Variants in TMPRSS6 observed in about 807,000 individuals in gnomAD.
TMPRSS6 encodes transmembrane serine protease 6.
A neutral mutation model predicts 101.5 loss-of-function variants in TMPRSS6; 67 were observed. The observed-to-expected ratio is 0.66, with a 90% CI of 0.54 to 0.81. The LOEUF (loss-of-function observed/expected upper bound fraction) is 0.81, where lower values mean the gene tolerates loss of function less well. TMPRSS6 is among the 30% of genes least tolerant of loss of function. TMPRSS6 has a pLI of 0.00. For synonymous variants in TMPRSS6, 453 were observed against 464.9 expected (o/e 0.97, Z 0.33); for missense variants, 1,034 against 1,088.7 (o/e 0.95, Z 0.71).
intron 6 of TMPRSS6, among the ~76,000 whole-genome samples, chr22:37,092,795 C>T (rs1019152184): frequency 4.6e-5 from 7 of 152,220 alleles, no homozygotes; most frequent in African/African-American, 1.4e-4. Context: ...CACGCCCGGC[C>T]CATGCCCAAA....
chr22:37,087,441 A>G (rs5756507), intron 7 of TMPRSS6, among the ~76,000 whole-genome samples: 65,003 of 152,054 alleles, frequency 0.43, 14,064 homozygotes, highest in East Asian at 0.48. Flanking sequence ...CATGGCACCC[A>G]AGCAGCCTGC....
At chr22:37,106,592 C>G (rs544470192) in intron 1 of TMPRSS6, among the ~76,000 whole-genome samples, 76 of 152,274 alleles carry the variant, frequency 5.0e-4, no homozygotes, top group African/African-American at 1.8e-3. Context: ...CCACCCAAAC[C>G]CCTGGGGCGG....
At position 37,096,017 on chromosome 22, in the gene TMPRSS6, C is replaced by T. The variant is rs773320285; in HGVS notation, c.478G>A (p.Glu160Lys). 2.9e-5 allele frequency: 47 copies of T among 1,614,240 alleles called. No individual in the cohort carries two copies. The highest frequency in any genetic ancestry group is 3.9e-5 in the Non-Finnish European group (46 of 1,180,048). Residue 160 changes from glutamate to lysine, a missense_variant, in exon 5 of 18, where the codon GAG becomes AAG. Transcript: ENST00000676104. Reference protein sequence around the residue: ...PEHRRLMLSPEVVQALLVEEL... With the variant: ...PEHRRLMLSPKVVQALLVEEL... ...TCCACCAGCAGTGCCTGCACCACCTCGGGGCTCAGCATCAGCCGGCGGTGC... is the reference window on the plus strand; with the variant it reads ...TCCACCAGCAGTGCCTGCACCACCTTGGGGCTCAGCATCAGCCGGCGGTGC...
chr22:37,066,737 C>G, intron 17 of TMPRSS6, 89 bp downstream of exon 17: 25 of 1,571,962 alleles, frequency 1.6e-5, no homozygotes, highest in Non-Finnish European at 2.2e-5. Flanking sequence ...GAGGCTTCAG[C>G]AGGCTGATGT....
chr22:37,067,054 G>T (rs1339374402), intron 16 of TMPRSS6, 92 bp from the exon 17 acceptor site: 3 of 1,580,480 alleles, frequency 1.9e-6, no homozygotes, highest in African/African-American at 2.7e-5. Flanking sequence ...CATCTCAGGA[G>T]CCTACTTCTC....
chr22:37,102,656 G>A (rs1930425271), intron 2 of TMPRSS6, among the ~76,000 whole-genome samples: 1 of 152,168 alleles, frequency 6.6e-6, no homozygotes, highest in Admixed American at 6.5e-5. Context: ...ATGGCAGAGG[G>A]CCCCAAGGCT....
chr22:37,100,108 C>G (rs1178820684), intron 2 of TMPRSS6, among the ~76,000 whole-genome samples: 1 of 152,192 alleles, frequency 6.6e-6, no homozygotes, highest in Admixed American at 6.5e-5. Context: ...GCTGGGATTA[C>G]AGGCATGCAC....
In TMPRSS6 at chr22:37,103,570, G is replaced by C. The variant is rs927851775; in HGVS notation, c.-1-152C>G. 9 of 1,613,650 alleles carry C rather than the reference G, an allele frequency of 5.6e-6. No individual in the cohort carries two copies. The Middle Eastern group carries it at 1.2e-3, about 207-fold the overall frequency. Reference sequence around the variant, plus strand: ...GGCAGTGACTGCAAGTGGGTGCCGAGACAGCTCACAGAGGAGGGAAGTGCA... The same window carrying C: ...GGCAGTGACTGCAAGTGGGTGCCGACACAGCTCACAGAGGAGGGAAGTGCA... On this transcript the variant is annotated intron_variant, in intron 1 of 17. Coordinates refer to ENST00000676104, the MANE Select transcript of TMPRSS6 (RefSeq NM_001374504.1). This position sits in a 1 kb window ranked among gnomAD's most constrained non-coding sequence, Gnocchi z 4.4.
chr22:37,101,823 C>T lies in TMPRSS6; in HGVS notation c.202+1393G>A, dbSNP rs1314711969. On this transcript the variant is annotated intron_variant, in intron 2 of 17. Coordinates refer to ENST00000676104, the MANE Select transcript of TMPRSS6 (RefSeq NM_001374504.1). This position sits in a 1 kb window ranked among gnomAD's most constrained non-coding sequence, Gnocchi z 4.1. ...GTTCCTGGCCCTCCAGCCCAGTGCC[C>T]CGTGGTTTACCCTGTAGACTAATTA... is the stretch of plus-strand genomic sequence containing the variant. Among the ~76,000 whole-genome samples, 1 of 152,186 alleles carries T rather than the reference C, an allele frequency of 6.6e-6. No homozygotes were observed. Among genetic ancestry groups the T allele is most frequent in the Non-Finnish European group, 1.5e-5 (1 of 68,018 alleles).
At position 37,093,415 on chromosome 22, in the gene TMPRSS6, G is replaced by A. The variant is rs533777497; in HGVS notation, c.631+2136C>T. Among the ~76,000 whole-genome samples, 3 of 62,706 alleles carry A rather than the reference G, an allele frequency of 4.8e-5. No homozygotes were observed. The South Asian group carries it at 1.6e-3, about 33-fold the overall frequency. 41.1% of individuals were successfully genotyped at this position (62,706 alleles called of 152,430 possible). A position where few individuals can be genotyped will look rare whatever the true frequency, so the allele number is the denominator to read the frequency against. On this transcript the variant is annotated intron_variant, in intron 6 of 17. Coordinates refer to ENST00000676104, the MANE Select transcript of TMPRSS6 (RefSeq NM_001374504.1). ...TTTTTTTTTTTTTTTTTTTTTTTGAGATGGAGTCTCACTCTGTCGCCCAGG... is the reference window on the plus strand; with the variant it reads ...TTTTTTTTTTTTTTTTTTTTTTTGAAATGGAGTCTCACTCTGTCGCCCAGG...
chr22:37,084,634 A>T (rs1928547842), intron 9 of TMPRSS6, 93 bp downstream of exon 9: 2 of 1,144,202 alleles, frequency 1.7e-6, no homozygotes, highest in African/African-American at 3.1e-5. Flanking sequence ...GCTTCAGCAG[A>T]GGCGGGACAC....
rs1411910597 is a variant in TMPRSS6 at position 37,103,586 on chromosome 22, G to A, written c.-1-168C>T. ...GGGTGCCGAGACAGCTCACAGAGGA[G>A]GGAAGTGCATCTCAGGTCAGCTCGC... On this transcript the variant is annotated intron_variant, in intron 1 of 17. Coordinates refer to ENST00000676104, the MANE Select transcript of TMPRSS6 (RefSeq NM_001374504.1). This position sits in a 1 kb window ranked among gnomAD's most constrained non-coding sequence, Gnocchi z 4.4. 6 of 1,612,780 alleles carry A rather than the reference G, an allele frequency of 3.7e-6. No homozygotes were observed. The African/African-American group carries it at 6.7e-5, about 18-fold the overall frequency.
rs528179570 is a variant in TMPRSS6, at chr22:37,084,820, C to A, written c.993G>T (p.Thr331=). Residue 331 remains threonine, a synonymous_variant, in exon 9 of 18, where the codon ACG becomes ACT. Coordinates refer to ENST00000676104, the MANE Select transcript of TMPRSS6 (RefSeq NM_001374504.1). ...CCTGGGAGTCGAGCCTGTTGTCCAG[C>A]GTCAGGTTCACTTCACAGGCTGGAC... is the stretch of plus-strand genomic sequence containing the variant. ...VVFQACEVNL[T]LDNRLDSQGV... is the part of the protein sequence containing the mutation. 6 of 1,555,944 alleles carry A rather than the reference C, an allele frequency of 3.9e-6. No individual in the cohort carries two copies. The East Asian group carries it at 1.2e-4, about 31-fold the overall frequency.
intron 2 of TMPRSS6, among the ~76,000 whole-genome samples, chr22:37,102,937 G>A (rs1930447573): frequency 6.6e-6 from 1 of 152,078 alleles, no homozygotes; most frequent in South Asian, 2.1e-4. Flanking sequence ...AGAACTGGGT[G>A]CTAGGAGGGC....
chr22:37,103,273 C>A lies in TMPRSS6; in HGVS notation c.145G>T (p.Val49Leu). ...RGYLRLVPLFVLLALLVLASA... is the reference protein window; with the variant it reads ...RGYLRLVPLFLLLALLVLASA... ...GCCAGCACGAGCAGGGCCAGCAGCA[C>A]AAACAGGGGCACCAGGCGGAGGTAG... Residue 49 changes from valine (V) to leucine (L), a missense_variant, in exon 2 of 18, where the codon GTG becomes TTG. By Grantham distance (32) the Val-to-Leu change is conservative (BLOSUM62 1). Coordinates refer to ENST00000676104, the MANE Select transcript of TMPRSS6 (RefSeq NM_001374504.1). The surrounding 1 kb of genome is among the most constrained non-coding windows in gnomAD (Gnocchi z 4.4). The A allele has an allele frequency of 6.2e-7, 1 of 1,614,158 alleles. No homozygotes were observed. Among genetic ancestry groups the A allele is most frequent in the Non-Finnish European group, 8.5e-7 (1 of 1,179,990 alleles).
intron 6 of TMPRSS6, among the ~76,000 whole-genome samples, chr22:37,094,750 G>A (rs998923067): frequency 6.6e-6 from 1 of 152,198 alleles, no homozygotes; most frequent in East Asian, 1.9e-4. Context: ...TGACCAGCAG[G>A]ATGGGAAGAC....
Position 37,065,785 on chromosome 22 carries a change from C to A in TMPRSS6, c.*295G>T. On this transcript the variant is annotated 3_prime_UTR_variant, in exon 18 of 18. Transcript: ENST00000676104. ...CAGCATTCTTGCTGCTGAGCCACTG[C>A]CTTGCATTAGGCAGCAGTGGAGGAA... 2.1e-6 allele frequency: 1 copy of A among 481,004 alleles called. No homozygotes were observed. Among genetic ancestry groups the A allele is most frequent in the Non-Finnish European group, 3.8e-6 (1 of 261,610 alleles). The allele number at this position is 481,004 out of a possible 1,614,324, so 29.8% of individuals were successfully genotyped here.
chr22:37,096,606 T>C (rs941647013), intron 4 of TMPRSS6, 42 bp downstream of exon 4: 1 of 1,544,500 alleles, frequency 6.5e-7, no homozygotes, highest in Non-Finnish European at 8.8e-7. Context: ...TCTTTGAATC[T>C]CAGCTTCTTG....
At position 37,103,974 on chromosome 22, in the gene TMPRSS6, A is replaced by C. The variant is rs893293802; in HGVS notation, c.-1-556T>G. Reference sequence around the variant, plus strand: ...TCCTTCACAGAGTACCGTCTCTCTCACCTTTCTGCTCTCAAAGTCTTGTGG... The same window carrying C: ...TCCTTCACAGAGTACCGTCTCTCTCCCCTTTCTGCTCTCAAAGTCTTGTGG... On this transcript the variant is annotated intron_variant, in intron 1 of 17. Coordinates refer to ENST00000676104, the MANE Select transcript of TMPRSS6 (RefSeq NM_001374504.1). The surrounding 1 kb of genome is among the most constrained non-coding windows in gnomAD (Gnocchi z 4.4). Among the ~76,000 whole-genome samples, 1 of 152,104 alleles carries C rather than the reference A, an allele frequency of 6.6e-6. No individual in the cohort carries two copies. The highest frequency in any genetic ancestry group is 1.9e-4 in the East Asian group (1 of 5,190).
Sources: allele counts gnomAD v4.1 joint callset (sites outside exome capture counted in the v4.1 genomes callset), GRCh38; gene constraint gnomAD v4.1.1; non-coding constraint Gnocchi (gnomAD v3.1); transcripts MANE v1.5; gene names NCBI Gene and HGNC (gene_info 2026-07-23, HGNC 2026-07-21).